ASB4: variants seen among roughly 807,000 people sequenced by gnomAD.
ASB4 encodes ankyrin repeat and SOCS box containing 4, also known as ankyrin repeat and SOCS box protein 4.
ASB4 carries 35 observed loss-of-function variants against 38.6 expected under a neutral mutation model. The ratio of observed to expected loss-of-function variants is 0.91; its 90% CI spans 0.69 to 1.20. The LOEUF (loss-of-function observed/expected upper bound fraction) is 1.20. Ranked by LOEUF, ASB4 falls within the 50% of genes most tolerant of loss-of-function variation. The pLI is 0.00. For synonymous variants in ASB4, 195 were observed against 201.3 expected, an observed-to-expected ratio of 0.97 and a Z score of 0.26; for missense variants, 557 against 527.2, an observed-to-expected ratio of 1.06 and a Z score of -0.55.
intron 4 of ASB4, 100 bp from the exon 5 acceptor site, chr7:95,537,471 G>T: frequency 9.8e-7 from 1 of 1,021,384 alleles, no homozygotes. Context: ...ACCCTAGGAA[G>T]CTGCCATTAC....
chr7:95,525,591 G>T (rs1790726225), intron 2 of ASB4, among the ~76,000 whole-genome samples: 1 of 152,132 alleles, frequency 6.6e-6, no homozygotes, highest in Non-Finnish European at 1.5e-5. Flanking sequence ...ATTAAAAAAG[G>T]ATGTGGTTTG....
downstream of ASB4, among the ~76,000 whole-genome samples, chr7:95,541,020 A>G (rs951914505): frequency 1.3e-5 from 2 of 152,192 alleles, no homozygotes; most frequent in Non-Finnish European, 2.9e-5. Context: ...GAATTCAACT[A>G]TTCACCCATT....
chr7:95,471,588 T>A, the ASB4 span, among the ~76,000 whole-genome samples: 1 of 152,202 alleles, frequency 6.6e-6, no homozygotes, highest in Non-Finnish European at 1.5e-5. Context: ...TGTGACAGTA[T>A]GTATCTAAAC....
At chr7:95,529,034 C>G (rs930520174) in intron 3 of ASB4, among the ~76,000 whole-genome samples, 1 of 152,090 alleles carries the variant, frequency 6.6e-6, no homozygotes, top group Non-Finnish European at 1.5e-5. Context: ...TGGTAGGGAC[C>G]AGTTGCTACC....
At chr7:95,529,544 C>T (rs1044692647) in intron 3 of ASB4, among the ~76,000 whole-genome samples, 16 of 152,270 alleles carry the variant, frequency 1.1e-4, no homozygotes, top group Non-Finnish European at 2.1e-4. Flanking sequence ...AGAGAACTTT[C>T]AAATGAAGAT....
the ASB4 span, among the ~76,000 whole-genome samples, chr7:95,546,586 A>T: frequency 6.6e-6 from 1 of 152,152 alleles, no homozygotes; most frequent in Non-Finnish European, 1.5e-5. Context: ...CAACCAAAAT[A>T]TTCTCTCCTT....
chr7:95,504,240 A>G (rs1252185676), intron 2 of ASB4, among the ~76,000 whole-genome samples: 2 of 152,238 alleles, frequency 1.3e-5, no homozygotes, highest in Non-Finnish European at 2.9e-5. Context: ...CAGGAAAGCC[A>G]TAAAAATTCA....
At chr7:95,513,293 A>ATATGTGTGTGTG (rs372838435) in intron 2 of ASB4, among the ~76,000 whole-genome samples, 1 of 89,190 alleles carries the variant, frequency 1.1e-5, no homozygotes, top group Non-Finnish European at 2.1e-5. Context: ...AGCCAATAGA[A>ATATGTGTGTGTG]TGTGTGTGTG....
At chr7:95,485,468 C>T (rs572956345), upstream of ASB4, among the ~76,000 whole-genome samples, 1 of 152,144 alleles carries the variant, frequency 6.6e-6, no homozygotes, top group African/African-American at 2.4e-5. Flanking sequence ...ATATGTATGA[C>T]AATGGTTGAT....
In ASB4 at chr7:95,531,467, C is replaced by T. The variant is rs531454136; in HGVS notation, c.978+3164C>T. Among the ~76,000 whole-genome samples, 8 of 152,320 alleles carry T rather than the reference C, an allele frequency of 5.3e-5. No homozygotes were observed. In the East Asian group the frequency reaches 1.3e-3, roughly 26 times the overall value. ...AGAGAAACATACTCTATCACTTTATCCATGAATAGTAATAGCCTTCTTGTA... is the reference window on the plus strand; with the variant it reads ...AGAGAAACATACTCTATCACTTTATTCATGAATAGTAATAGCCTTCTTGTA... On this transcript the variant is annotated intron_variant, in intron 3 of 4. Transcript: ENST00000325885.
intron 2 of ASB4, among the ~76,000 whole-genome samples, chr7:95,514,912 G>A (rs1290977494): frequency 6.6e-6 from 1 of 152,188 alleles, no homozygotes; most frequent in Admixed American, 6.5e-5. Flanking sequence ...AATGCAAAGG[G>A]AGCTGGAGAA....
intron 4 of ASB4, 120 bp from the exon 5 acceptor site, chr7:95,537,451 A>AG (rs1790911198): frequency 1.4e-5 from 11 of 796,146 alleles, no homozygotes; most frequent in Non-Finnish European, 1.9e-5. Context: ...TTTTTGCCTC[A>AG]CCAATAGAGA....
At chr7:95,513,492 G>A (rs529585120) in intron 2 of ASB4, among the ~76,000 whole-genome samples, 47 of 151,984 alleles carry the variant, frequency 3.1e-4, no homozygotes, top group African/African-American at 9.9e-4. Flanking sequence ...GTTAGTCTTC[G>A]TTCTATGAAG....
chr7:95,500,016 C>T (rs73711327), intron 2 of ASB4, among the ~76,000 whole-genome samples: 1,807 of 151,648 alleles, frequency 0.012, 40 homozygotes, highest in African/African-American at 0.041. Flanking sequence ...TGGGAGCATC[C>T]TCATTTTTAA....
chr7:95,519,953 T>G (rs1023841063), intron 2 of ASB4, among the ~76,000 whole-genome samples: 3 of 152,154 alleles, frequency 2.0e-5, no homozygotes, highest in African/African-American at 7.2e-5. Context: ...TTTTTGAATA[T>G]GAACAATGTT....
intron 2 of ASB4, among the ~76,000 whole-genome samples, chr7:95,501,509 T>C (rs1475268786): frequency 2.0e-5 from 3 of 152,202 alleles, no homozygotes; most frequent in Non-Finnish European, 4.4e-5. Flanking sequence ...TAATCATAAA[T>C]AAGAACACTT....
In ASB4 at chr7:95,536,428, C is replaced by T. The variant is rs749061751; in HGVS notation, c.979-9C>T. 11 of 1,561,108 alleles carry T rather than the reference C, an allele frequency of 7.0e-6. No individual in the cohort carries two copies. Among genetic ancestry groups the T allele is most frequent in the African/African-American group, 1.4e-5 (1 of 73,714 alleles). On this transcript the variant is annotated splice_polypyrimidine_tract_variant and intron_variant, in intron 3 of 4. Coordinates refer to ENST00000325885, the MANE Select transcript of ASB4 (RefSeq NM_016116.3). ...ATCAAACAGATGAAACTCTGTGCTT[C>T]CTCTGCAGGTGATACAGGCCTGCCA...
upstream of ASB4, among the ~76,000 whole-genome samples, chr7:95,484,706 C>T (rs570627221): frequency 8.5e-4 from 129 of 152,068 alleles, no homozygotes; most frequent in Middle Eastern, 3.4e-3. Flanking sequence ...CTTCCACAAA[C>T]GACATATAAA....
At chr7:95,478,480 GTGCTTGGTTAC>G (rs1789996860) in exon 1 of ASB4, 1 of 152,198 alleles carries the variant, frequency 6.6e-6, no homozygotes, top group South Asian at 2.1e-4. Flanking sequence ...AGGTGGGCCA[GTGCTTGGTTAC>G]TGCTTATGTC....
Sources: gnomAD v4.1 joint callset for allele counts (sites outside exome capture counted in the v4.1 genomes callset) on GRCh38, gnomAD v4.1.1 for gene constraint, MANE v1.5 for transcripts, NCBI Gene and HGNC (gene_info 2026-07-23, HGNC 2026-07-21) for gene names.